The following HPSE2 variants were observed in gnomAD, a reference collection of about 807,000 sequenced individuals.
HPSE2 encodes the protein inactive heparanase-2.
A neutral mutation model predicts 60.5 loss-of-function variants in HPSE2; 38 were observed. That is an observed-to-expected ratio of 0.63 (90% CI 0.48 to 0.82). The LOEUF (loss-of-function observed/expected upper bound fraction) is 0.82, where lower values mean the gene tolerates loss of function less well. Among genes scored for constraint, HPSE2 ranks in the 40% least tolerant of loss-of-function variants. HPSE2 has a pLI of 0.00. For missense variants in HPSE2, 713 were observed against 740.4 expected (o/e 0.96, Z 0.43); for synonymous variants, 295 against 293.2 (o/e 1.01, Z -0.06).
chr10:99,195,700 G>C lies in HPSE2; in HGVS notation c.448+36648C>G, dbSNP rs537775205. Among the ~76,000 whole-genome samples the C allele has an allele frequency of 8.5e-4, 129 of 151,842 alleles. 1 individual carries two copies. The Middle Eastern group carries it at 0.024, about 28-fold the overall frequency. ...GAAAACTATAAAACATTGATGAAAGGAATTGAAGAGGACACCATAAAAATG... is the reference window on the plus strand; with the variant it reads ...GAAAACTATAAAACATTGATGAAAGCAATTGAAGAGGACACCATAAAAATG... On this transcript the variant is annotated intron_variant, in intron 2 of 11. Coordinates refer to ENST00000370552, the MANE Select transcript of HPSE2 (RefSeq NM_021828.5).
chr10:98,726,451 C>G (rs1166761781), intron 4 of HPSE2, among the ~76,000 whole-genome samples: 1 of 125,332 alleles, frequency 8.0e-6, no homozygotes, highest in African/African-American at 3.2e-5. Context: ...CACATGGACA[C>G]AGGAAGGGGA....
intron 6 of HPSE2, among the ~76,000 whole-genome samples, chr10:98,652,321 G>T (rs1398805583): frequency 6.6e-6 from 1 of 152,072 alleles, no homozygotes; most frequent in Non-Finnish European, 1.5e-5. Flanking sequence ...GGATCTTTTG[G>T]TTCCCCCAAG....
At chr10:99,072,385 T>C (rs1010579405) in intron 3 of HPSE2, among the ~76,000 whole-genome samples, 17 of 151,896 alleles carry the variant, frequency 1.1e-4, no homozygotes, top group Non-Finnish European at 2.4e-4. Context: ...GGGAGAAAAA[T>C]TTTCCAATCT....
the HPSE2 span, among the ~76,000 whole-genome samples, chr10:99,264,329 C>T: frequency 1.4e-4 from 21 of 152,182 alleles, no homozygotes; most frequent in Non-Finnish European, 2.9e-4. Context: ...CCTTGTGATC[C>T]GCCCGCCTCA....
At chr10:99,285,899 T>A in the HPSE2 span, among the ~76,000 whole-genome samples, 2 of 152,164 alleles carry the variant, frequency 1.3e-5, no homozygotes, top group Non-Finnish European at 2.9e-5. Flanking sequence ...CACTCCAGCC[T>A]GGGGAATAGA....
intron 11 of HPSE2, among the ~76,000 whole-genome samples, chr10:98,473,484 CA>C (rs752065277): frequency 1.9e-3 from 86 of 44,294 alleles, no homozygotes; most frequent in Middle Eastern, 0.012. Context: ...GACTCTGTCT[CA>C]AAAAAAAAAA....
intron 9 of HPSE2, among the ~76,000 whole-genome samples, chr10:98,602,095 G>C (rs575951964): frequency 6.6e-6 from 1 of 152,272 alleles, no homozygotes; most frequent in African/African-American, 2.4e-5. Context: ...CACCAAAGTA[G>C]TGAGTGATGC....
intron 9 of HPSE2, among the ~76,000 whole-genome samples, chr10:98,594,849 C>T (rs1471123300): frequency 6.6e-6 from 1 of 152,076 alleles, no homozygotes; most frequent in African/African-American, 2.4e-5. Context: ...CATATGGTAG[C>T]TTATTTTTAT....
At chr10:98,869,781 T>C (rs1952684466) in intron 3 of HPSE2, among the ~76,000 whole-genome samples, 1 of 152,168 alleles carries the variant, frequency 6.6e-6, no homozygotes, top group Non-Finnish European at 1.5e-5. Context: ...TGTGTGATCA[T>C]GGGCAAGTAA....
At chr10:98,602,389 A>T (rs1320178672) in intron 9 of HPSE2, among the ~76,000 whole-genome samples, 1 of 152,190 alleles carries the variant, frequency 6.6e-6, no homozygotes, top group Non-Finnish European at 1.5e-5. Flanking sequence ...GAAGGGCTGA[A>T]AACATTGGAA....
intron 3 of HPSE2, among the ~76,000 whole-genome samples, chr10:99,082,962 T>C (rs1422728722): frequency 6.6e-6 from 1 of 152,208 alleles, no homozygotes; most frequent in African/African-American, 2.4e-5. Context: ...AGCAAAGAGA[T>C]ACAAATTCAT....
intron 9 of HPSE2, among the ~76,000 whole-genome samples, chr10:98,545,647 A>G (rs975011783): frequency 2.0e-5 from 3 of 152,198 alleles, no homozygotes; most frequent in Admixed American, 1.3e-4. Flanking sequence ...TATTGATGGG[A>G]CGTATCTCAA....
At chr10:99,022,485 G>A (rs140123245) in intron 3 of HPSE2, among the ~76,000 whole-genome samples, 8 of 152,208 alleles carry the variant, frequency 5.3e-5, no homozygotes, top group East Asian at 1.9e-4. Flanking sequence ...GTGGACTGAG[G>A]GGGCATGTGA....
the HPSE2 span, among the ~76,000 whole-genome samples, chr10:99,278,002 C>T: frequency 1.1e-4 from 17 of 149,834 alleles, no homozygotes; most frequent in South Asian, 2.1e-4. Flanking sequence ...GAGGCTGAGG[C>T]GAGAGAATCG....
intron 3 of HPSE2, among the ~76,000 whole-genome samples, chr10:98,761,499 T>C (rs547467968): frequency 6.6e-6 from 1 of 152,336 alleles, no homozygotes; most frequent in East Asian, 1.9e-4. Flanking sequence ...TTTTTCTTAA[T>C]GTAGGCATTT....
At chr10:99,287,840 C>G in the HPSE2 span, among the ~76,000 whole-genome samples, 1 of 152,096 alleles carries the variant, frequency 6.6e-6, no homozygotes, top group African/African-American at 2.4e-5. Context: ...AATAAGAAAG[C>G]TAGTTACTGA....
chr10:98,461,685 T>C (rs930529071), intron 11 of HPSE2: 3 of 1,077,676 alleles, frequency 2.8e-6, no homozygotes, highest in African/African-American at 3.2e-5. Context: ...CATACTCAAA[T>C]TTATATCAGG....
chr10:98,896,858 G>T (rs1438798502), intron 3 of HPSE2, among the ~76,000 whole-genome samples: 1 of 152,092 alleles, frequency 6.6e-6, no homozygotes, highest in Admixed American at 6.6e-5. Context: ...TATATGAAAT[G>T]GATCAATTCC....
At chr10:99,190,612 A>G in intron 2 of HPSE2, among the ~76,000 whole-genome samples, 1 of 152,200 alleles carries the variant, frequency 6.6e-6, no homozygotes, top group East Asian at 1.9e-4. Flanking sequence ...TTCTCAAAGC[A>G]TGTTCTATGG....
Sources: allele counts gnomAD v4.1 joint callset (sites outside exome capture counted in the v4.1 genomes callset), GRCh38; gene constraint gnomAD v4.1.1; transcripts MANE v1.5; gene names NCBI Gene and HGNC (gene_info 2026-07-23, HGNC 2026-07-21).